The following SLC25A10 variants were observed in gnomAD, a reference collection of about 807,000 sequenced individuals.
The protein encoded by SLC25A10 is solute carrier family 25 member 10, also known as mitochondrial dicarboxylate carrier.
Under a neutral mutation model 40.4 loss-of-function variants are expected in SLC25A10, and 32 were observed. That is an observed-to-expected ratio of 0.79 (90% confidence interval 0.60 to 1.06). The LOEUF is 1.06. SLC25A10 is among the 50% of genes least tolerant of loss of function. The pLI, the probability that SLC25A10 is intolerant of heterozygous loss-of-function variation, is 0.00. For synonymous variants in SLC25A10, 181 were observed against 171.1 expected (o/e 1.06, Z -0.45); for missense variants, 394 against 402.6 (o/e 0.98, Z 0.18).
intron 1 of SLC25A10, among the ~76,000 whole-genome samples, chr17:81,713,772 C>G (rs903903271): frequency 6.6e-6 from 1 of 152,234 alleles, no homozygotes; most frequent in East Asian, 1.9e-4. Context: ...TGTCCCTTGT[C>G]CGGGGTCTGA....
chr17:81,720,739 A>G lies in SLC25A10; in HGVS notation c.*662A>G, dbSNP rs1226477820. 3 of 381,484 alleles carry G rather than the reference A, an allele frequency of 7.9e-6. No homozygotes were observed. The highest frequency in any genetic ancestry group is 2.1e-5 in the African/African-American group (1 of 48,016). 23.6% of individuals were successfully genotyped at this position (381,484 alleles called of 1,614,324 possible). A position where few individuals can be genotyped will look rare whatever the true frequency, so the allele number is the denominator to read the frequency against. ...CTGCCTGCCCTGCAGTGGCTTTAAC[A>G]GTTAGTTTTGCCAAAGCCTCTCCAC... On this transcript the variant is annotated 3_prime_UTR_variant, in exon 11 of 11. Coordinates refer to ENST00000350690, the MANE Select transcript of SLC25A10 (RefSeq NM_012140.5).
In SLC25A10 at chr17:81,720,415, C is replaced by A. The variant is rs575574586; in HGVS notation, c.*338C>A. 1.2e-4 allele frequency: 160 copies of A among 1,377,640 alleles called. 2 individuals are homozygous for A. The South Asian group carries it at 2.6e-3, about 23-fold the overall frequency. The allele number at this position is 1,377,640 out of a possible 1,614,324, so 85.3% of individuals were successfully genotyped here. A position where few individuals can be genotyped will look rare whatever the true frequency, so the allele number is the denominator to read the frequency against. On this transcript the variant is annotated 3_prime_UTR_variant, in exon 11 of 11. Transcript: ENST00000350690. ...GCCAGGGGAGGGGTATTATCCCTGC[C>A]TCCTGCCCCCGATGCCCAAAGCAGC...
At chr17:81,716,314 C>T (rs1249683211) in intron 5 of SLC25A10, among the ~76,000 whole-genome samples, 1 of 152,174 alleles carries the variant, frequency 6.6e-6, no homozygotes, top group Non-Finnish European at 1.5e-5. Context: ...CGGAGGCGAA[C>T]GCCCCAGGCA....
In SLC25A10 at chr17:81,718,701, A is replaced by G. The variant is rs537052820; in HGVS notation, c.705+840A>G. On this transcript the variant is annotated intron_variant, in intron 9 of 10. Coordinates refer to ENST00000350690, the MANE Select transcript of SLC25A10 (RefSeq NM_012140.5). ...ACGGTGGCTCACGCCTGTAATCCCA[A>G]CACTTTGGGAGGCCAAGGCGGGCAG... 1.3e-5 allele frequency among the ~76,000 whole-genome samples: 2 copies of G among 150,404 alleles called. 1 individual carries two copies. Among genetic ancestry groups the G allele is most frequent in the South Asian group, 4.2e-4 (2 of 4,732 alleles).
At position 81,715,552 on chromosome 17, in the gene SLC25A10, T is replaced by C; in HGVS notation, c.288T>C (p.Pro96=). 6.2e-7 allele frequency: 1 copy of C among 1,612,794 alleles called. No individual in the cohort carries two copies. The highest frequency in any genetic ancestry group is 8.5e-7 in the Non-Finnish European group (1 of 1,179,820). The change falls in exon 3 of 11, where the codon CCT becomes CCC. Residue 96 remains proline, a synonymous_variant. Coordinates refer to ENST00000350690, the MANE Select transcript of SLC25A10 (RefSeq NM_012140.5). ...RDRVAKGSQG[P]LPFHEKVLLG... is the part of the protein sequence containing the mutation. ...GTGTGGCCAAGGGCAGCCAGGGGCCTCTCCCCTTCCACGAGAAGGTGTTGC... is the reference window on the plus strand; with the variant it reads ...GTGTGGCCAAGGGCAGCCAGGGGCCCCTCCCCTTCCACGAGAAGGTGTTGC...
chr17:81,715,335 G>A (rs368760581), intron 2 of SLC25A10, 143 bp from the exon 3 acceptor site: 13 of 828,054 alleles, frequency 1.6e-5, no homozygotes, highest in East Asian at 4.9e-5. Context: ...TGGCTCAGCC[G>A]CATGCTGGCA....
At position 81,720,299 on chromosome 17, in the gene SLC25A10, C is replaced by T. The variant is rs143381345; in HGVS notation, c.*222C>T. 1.3e-4 allele frequency: 190 copies of T among 1,435,262 alleles called. No homozygotes were observed. The highest frequency in any genetic ancestry group is 8.5e-4 in the African/African-American group (59 of 69,750). 88.9% of individuals were successfully genotyped at this position (1,435,262 alleles called of 1,614,324 possible). Reference sequence around the variant, plus strand: ...CCCCGCTCTGGCTACCAGGCTCTCCCGGCTGGGCACTGCGTGGCCTTGCCC... The same window carrying T: ...CCCCGCTCTGGCTACCAGGCTCTCCTGGCTGGGCACTGCGTGGCCTTGCCC... On this transcript the variant is annotated 3_prime_UTR_variant, in exon 11 of 11. Transcript: ENST00000350690.
chr17:81,712,315 C>G lies in SLC25A10; in HGVS notation c.-112C>G. The G allele has an allele frequency of 4.6e-6, 3 of 648,252 alleles. No homozygotes were observed. The highest frequency in any genetic ancestry group is 6.2e-6 in the Non-Finnish European group (3 of 486,344). 40.2% of individuals were successfully genotyped at this position (648,252 alleles called of 1,614,324 possible). On this transcript the variant is annotated 5_prime_UTR_variant, in exon 1 of 11. Transcript: ENST00000350690. ...GCTGTGCGGGGTGCGGGCGCGCGGG[C>G]GGCGCTTTGAACCGGGCGCGGGGCG...
In SLC25A10 at chr17:81,716,860, G is replaced by A. The variant is rs767186204; in HGVS notation, c.463+5G>A. ...TGTACCGCGTAGCTCGTGAAGGTGAGGGGCAGGTGCTGTGCACAGGCAGGG... is the reference window on the plus strand; with the variant it reads ...TGTACCGCGTAGCTCGTGAAGGTGAAGGGCAGGTGCTGTGCACAGGCAGGG... On this transcript the variant is annotated splice_donor_5th_base_variant and intron_variant, in intron 6 of 10. Transcript: ENST00000350690. The A allele has an allele frequency of 5.6e-5, 90 of 1,611,048 alleles. No homozygotes were observed. The highest frequency in any genetic ancestry group is 7.5e-5 in the Non-Finnish European group (88 of 1,178,992).
Position 81,719,964 on chromosome 17 carries a change from G to C in SLC25A10, c.763-12G>C, listed in dbSNP as rs748473181. 3.1e-6 allele frequency: 5 copies of C among 1,613,640 alleles called. No homozygotes were observed. Among genetic ancestry groups the C allele is most frequent in the Non-Finnish European group, 4.2e-6 (5 of 1,180,040 alleles). ...GGGCTCTGTGTCTCTCATTTTCCCT[G>C]TCTCCCTCCAGGGCCTCGTCCCAGC... is the stretch of plus-strand genomic sequence containing the variant. On this transcript the variant is annotated splice_polypyrimidine_tract_variant and intron_variant, in intron 10 of 10. Coordinates refer to ENST00000350690, the MANE Select transcript of SLC25A10 (RefSeq NM_012140.5).
At position 81,720,544 on chromosome 17, in the gene SLC25A10, A is replaced by G; in HGVS notation, c.*467A>G. 1.6e-6 allele frequency: 2 copies of G among 1,277,256 alleles called. No individual in the cohort carries two copies. Among genetic ancestry groups the G allele is most frequent in the Non-Finnish European group, 2.0e-6 (2 of 1,014,966 alleles). The allele number at this position is 1,277,256 out of a possible 1,614,324, so 79.1% of individuals were successfully genotyped here. The stretch of plus-strand genomic sequence containing the variant: ...TCTGCACTTCGTGTCTGCTGAGAGC[A>G]ACCAGACCTTCCATGTCCTCGGGCA... On this transcript the variant is annotated 3_prime_UTR_variant, in exon 11 of 11. Coordinates refer to ENST00000350690, the MANE Select transcript of SLC25A10 (RefSeq NM_012140.5).
intron 1 of SLC25A10, 85 bp from the exon 2 acceptor site, chr17:81,714,868 C>T (rs2037450518): frequency 2.6e-6 from 4 of 1,557,830 alleles, no homozygotes; most frequent in Admixed American, 1.7e-5. Flanking sequence ...ATCACTGCCT[C>T]CTGCCTCAGT....
At chr17:81,713,562 C>A (rs2144529181) in intron 1 of SLC25A10, 3 of 889,904 alleles carry the variant, frequency 3.4e-6, no homozygotes, top group Non-Finnish European at 4.0e-6. Flanking sequence ...CTGGGAGAGG[C>A]CTTCAGAGCT....
intron 5 of SLC25A10, chr17:81,716,549 G>A: frequency 1.7e-6 from 1 of 576,880 alleles, no homozygotes. Flanking sequence ...GGGGCTGGCG[G>A]GCAGGAGGCC....
chr17:81,716,285 C>T (rs2037484318), intron 5 of SLC25A10, among the ~76,000 whole-genome samples: 1 of 152,154 alleles, frequency 6.6e-6, no homozygotes, highest in Admixed American at 6.5e-5. Context: ...GGCCTGTTTG[C>T]ACCCCAGGGT....
chr17:81,714,484 A>G lies in SLC25A10; in HGVS notation c.94-469A>G, dbSNP rs368509827. ...CTCCTGCTGCCTTTCAAGGCCTTCT[A>G]TGGCTACCTCCTCAGTCTCCCATGG... is the stretch of plus-strand genomic sequence containing the variant. On this transcript the variant is annotated intron_variant, in intron 1 of 10. Coordinates refer to ENST00000350690, the MANE Select transcript of SLC25A10 (RefSeq NM_012140.5). 2.6e-5 allele frequency among the ~76,000 whole-genome samples: 4 copies of G among 152,242 alleles called. No homozygotes were observed. In the East Asian group the frequency reaches 7.7e-4, roughly 29 times the overall value.
intron 8 of SLC25A10, 50 bp downstream of exon 8, chr17:81,717,541 G>A (rs200183325): frequency 1.9e-5 from 30 of 1,594,838 alleles, no homozygotes; most frequent in African/African-American, 1.9e-4. Flanking sequence ...GGCCTTGGGC[G>A]CTGAGGGCAC....
At position 81,720,177 on chromosome 17, in the gene SLC25A10, C is replaced by A; in HGVS notation, c.*100C>A. 6.5e-7 allele frequency: 1 copy of A among 1,537,556 alleles called. No homozygotes were observed. The highest frequency in any genetic ancestry group is 1.4e-5 in the African/African-American group (1 of 73,128). The stretch of plus-strand genomic sequence containing the variant: ...CTCCTGGGGCCACGACCTCCCTGGC[C>A]GTGGCCACCCGTCCTCCGCAGCAGG... On this transcript the variant is annotated 3_prime_UTR_variant, in exon 11 of 11. Transcript: ENST00000350690.
In SLC25A10 at chr17:81,717,475, T is replaced by C; in HGVS notation, c.611T>C (p.Val204Ala). Reference protein sequence around the residue: ...YLSDNIFTHFVASFIAGGCAT... With the variant: ...YLSDNIFTHFAASFIAGGCAT... Reference sequence around the variant, plus strand: ...TCTGACAACATCTTCACTCACTTTGTCGCCAGCTTTATTGCAGTAAGTGGC... The same window carrying C: ...TCTGACAACATCTTCACTCACTTTGCCGCCAGCTTTATTGCAGTAAGTGGC... The change falls in exon 8 of 11, where the codon GTC becomes GCC. Residue 204 changes from valine to alanine, a missense_variant. Val to Ala is a moderately conservative substitution (Grantham distance 64). Transcript: ENST00000350690. 1.2e-6 allele frequency: 2 copies of C among 1,613,640 alleles called. No homozygotes were observed. Among genetic ancestry groups the C allele is most frequent in the Non-Finnish European group, 1.7e-6 (2 of 1,179,912 alleles).
Sources: allele counts gnomAD v4.1 joint callset (sites outside exome capture counted in the v4.1 genomes callset), GRCh38; gene constraint gnomAD v4.1.1; transcripts MANE v1.5; gene names NCBI Gene and HGNC (gene_info 2026-07-23, HGNC 2026-07-21).